The following CSGALNACT1 variants were observed in gnomAD, a reference collection of about 807,000 sequenced individuals.
CSGALNACT1 encodes the protein chondroitin sulfate N-acetylgalactosaminyltransferase 1.
CSGALNACT1 carries 52 observed loss-of-function variants against 51.0 expected under a neutral mutation model. The ratio of observed to expected loss-of-function variants is 1.02; its 90% CI spans 0.82 to 1.29. The LOEUF is 1.29. Among genes scored for constraint, CSGALNACT1 ranks in the 50% most tolerant of loss-of-function variants. The pLI, the probability that CSGALNACT1 is intolerant of heterozygous loss-of-function variation, is 0.00. For missense variants in CSGALNACT1, 935 were observed against 679.2 expected, an observed-to-expected ratio of 1.38 and a Z score of -4.19; for synonymous variants, 341 against 254.4, an observed-to-expected ratio of 1.34 and a Z score of -3.24.
chr8:19,538,435 G>A (rs766275674), intron 3 of CSGALNACT1, among the ~76,000 whole-genome samples: 5 of 152,136 alleles, frequency 3.3e-5, no homozygotes, highest in Non-Finnish European at 5.9e-5. Context: ...AAATCAGCTA[G>A]GAGGCCAAAG....
At chr8:19,507,694 C>G (rs1444323837) in intron 3 of CSGALNACT1, among the ~76,000 whole-genome samples, 1 of 152,216 alleles carries the variant, frequency 6.6e-6, no homozygotes, top group Non-Finnish European at 1.5e-5. Flanking sequence ...GTGGCGCGAT[C>G]TCTGCTCACT....
At chr8:19,414,263 C>A (rs960044781) in intron 8 of CSGALNACT1, among the ~76,000 whole-genome samples, 2 of 152,102 alleles carry the variant, frequency 1.3e-5, no homozygotes, top group African/African-American at 2.4e-5. Context: ...GATTTAGAAA[C>A]CTATCTCTGG....
At chr8:19,595,415 T>C (rs1564193263) in intron 2 of CSGALNACT1, among the ~76,000 whole-genome samples, 1 of 152,188 alleles carries the variant, frequency 6.6e-6, no homozygotes, top group South Asian at 2.1e-4. Context: ...TCTCAATATA[T>C]GTTTGTGAGT....
At chr8:19,730,466 T>C (rs946718335) in intron 1 of CSGALNACT1, among the ~76,000 whole-genome samples, 1 of 152,194 alleles carries the variant, frequency 6.6e-6, no homozygotes, top group African/African-American at 2.4e-5. Flanking sequence ...CATGCTGAGG[T>C]TGGAATTATG....
At chr8:19,571,629 T>G (rs938042534) in intron 3 of CSGALNACT1, among the ~76,000 whole-genome samples, 2 of 152,174 alleles carry the variant, frequency 1.3e-5, no homozygotes, top group African/African-American at 2.4e-5. Flanking sequence ...TAACTCTGGA[T>G]GAAAGTTACC....
chr8:19,753,901 C>G lies in CSGALNACT1; in HGVS notation c.-297+3949G>C, dbSNP rs61360726. 7.7e-3 allele frequency among the ~76,000 whole-genome samples: 1,175 copies of G among 152,304 alleles called. 12 individuals are homozygous for G. The highest frequency in any genetic ancestry group is 0.026 in the African/African-American group (1,085 of 41,562). ...CTTGGAGTTGTTCAATAAATATTCT[C>G]AAGCTCGACTAACTTCATTCACATT... On this transcript the variant is annotated intron_variant, in intron 1 of 1. Coordinates refer to the CSGALNACT1 transcript ENST00000517494.
Position 19,734,601 on chromosome 8 carries a change from T to G in CSGALNACT1, c.-297+23249A>C, listed in dbSNP as rs1483054337. On this transcript the variant is annotated intron_variant, in intron 1 of 1. Transcript: ENST00000517494. ...TCCACTAAATTTAACTTGTCTGAAG[T>G]TTTTCTTTTAACACAAGAAAGAGAA... is the stretch of plus-strand genomic sequence containing the variant. Among the ~76,000 whole-genome samples, 7 of 152,268 alleles carry G rather than the reference T, an allele frequency of 4.6e-5. No individual in the cohort carries two copies. The East Asian group carries it at 1.2e-3, about 25-fold the overall frequency.
intron 4 of CSGALNACT1, among the ~76,000 whole-genome samples, chr8:19,501,674 G>A (rs991897410): frequency 2.0e-5 from 3 of 152,174 alleles, no homozygotes; most frequent in Admixed American, 6.5e-5. Context: ...AAGAGAGTTC[G>A]GAAAGCTAAT....
intron 1 of CSGALNACT1, among the ~76,000 whole-genome samples, chr8:19,743,582 T>G (rs2154250790): frequency 6.6e-6 from 1 of 152,332 alleles, no homozygotes; most frequent in South Asian, 2.1e-4. Flanking sequence ...AGAAAGTAAG[T>G]AAGGGTTCAC....
At chr8:19,683,073 G>C, upstream of CSGALNACT1, 1 of 237,026 alleles carries the variant, frequency 4.2e-6, no homozygotes, top group Non-Finnish European at 8.6e-6. Context: ...GACGGGAACA[G>C]ATAGGCAACT....
At chr8:19,568,403 T>C (rs1215963843) in intron 3 of CSGALNACT1, among the ~76,000 whole-genome samples, 1 of 152,180 alleles carries the variant, frequency 6.6e-6, no homozygotes, top group Admixed American at 6.5e-5. Context: ...CACCATCATA[T>C]ATGTGATTCA....
intron 3 of CSGALNACT1, among the ~76,000 whole-genome samples, chr8:19,556,258 C>T (rs2039397800): frequency 6.6e-6 from 1 of 151,974 alleles, no homozygotes; most frequent in Non-Finnish European, 1.5e-5. Context: ...TGCCTGTAAT[C>T]CCAGCTACTC....
At chr8:19,615,331 C>T (rs964430033) in intron 1 of CSGALNACT1, among the ~76,000 whole-genome samples, 3 of 152,188 alleles carry the variant, frequency 2.0e-5, no homozygotes, top group African/African-American at 7.2e-5. Flanking sequence ...TAACGATTTC[C>T]ATCCAAAGGA....
intron 3 of CSGALNACT1, among the ~76,000 whole-genome samples, chr8:19,524,607 A>G (rs80290044): frequency 0.013 from 1,980 of 152,204 alleles, 16 homozygotes; most frequent in Non-Finnish European, 0.02. Context: ...CTCTAAGTTA[A>G]TGAGTCTCAA....
chr8:19,492,962 G>C (rs1264685694), intron 4 of CSGALNACT1, among the ~76,000 whole-genome samples: 1 of 151,396 alleles, frequency 6.6e-6, no homozygotes, highest in African/African-American at 2.4e-5. Flanking sequence ...TGGCATATTT[G>C]TGTCTTCCAT....
At chr8:19,506,592 G>C (rs939660181) in intron 3 of CSGALNACT1, among the ~76,000 whole-genome samples, 11 of 152,202 alleles carry the variant, frequency 7.2e-5, no homozygotes, top group Non-Finnish European at 1.6e-4. Flanking sequence ...AGTGTTGGGA[G>C]GTGGGGCCTG....
rs945448816 is a variant in CSGALNACT1 at position 19,408,239 on chromosome 8, G to A, written c.1309+374C>T. Among the ~76,000 whole-genome samples the A allele has an allele frequency of 3.9e-5, 6 of 152,228 alleles. No individual in the cohort carries two copies. The East Asian group carries it at 1.2e-3, about 30-fold the overall frequency. On this transcript the variant is annotated intron_variant, in intron 9 of 9. Coordinates refer to ENST00000454498, the Ensembl canonical transcript of CSGALNACT1. ...GGAATGACTGAGAGGTGCTGGTGGA[G>A]ATCATAGGGGCTAAAATGCCACCTA...
intron 6 of CSGALNACT1, among the ~76,000 whole-genome samples, chr8:19,438,766 G>C (rs1365692544): frequency 6.6e-6 from 1 of 152,190 alleles, no homozygotes; most frequent in African/African-American, 2.4e-5. Flanking sequence ...AATTTGGCCA[G>C]TGGGCTGTAG....
rs199989662 is a variant in CSGALNACT1 at position 19,405,982 on chromosome 8, C to T, written c.1397G>A (p.Arg466Gln). ...GTGGAAGAGTCCTCGCACAGGCGTC[C>T]GTACCACTATGAGGTTGCTGTGGAG... is the stretch of plus-strand genomic sequence containing the variant. Residue 466 changes from arginine to glutamine, a missense_variant, in exon 10 of 10, where the codon CGG becomes CAG. Transcript: ENST00000454498. 9.4e-5 allele frequency: 152 copies of T among 1,614,166 alleles called. No individual in the cohort carries two copies. Among genetic ancestry groups the T allele is most frequent in the Non-Finnish European group, 1.2e-4 (146 of 1,180,044 alleles).
Sources: allele counts gnomAD v4.1 joint callset (sites outside exome capture counted in the v4.1 genomes callset), GRCh38; gene constraint gnomAD v4.1.1; transcripts MANE v1.5; gene names NCBI Gene and HGNC (gene_info 2026-07-23, HGNC 2026-07-21).